Variants in PATJ observed in about 807,000 individuals in gnomAD.
PATJ encodes inaD-like protein.
In PATJ, 190 loss-of-function variants were observed where a neutral mutation model predicts 224.9. The observed-to-expected ratio is 0.84, with a 90% CI of 0.75 to 0.95. PATJ has a LOEUF of 0.95. PATJ is among the 40% of genes least tolerant of loss of function. The probability of loss-of-function intolerance (pLI) is 0.00; values close to 1 mark genes in which losing one functional copy is unlikely to be tolerated. For synonymous variants in PATJ, 769 were observed against 820.3 expected (o/e 0.94, Z 1.07); for missense variants, 2,121 against 2,270.3 (o/e 0.93, Z 1.34).
At chr1:62,159,771 T>C (rs1669667566) in intron 43 of PATJ, among the ~76,000 whole-genome samples, 1 of 151,954 alleles carries the variant, frequency 6.6e-6, no homozygotes, top group Non-Finnish European at 1.5e-5. Flanking sequence ...CTCAAACTCC[T>C]GAGCTCAAGC....
At chr1:61,850,974 G>A (rs1014147240) in intron 17 of PATJ, among the ~76,000 whole-genome samples, 5 of 152,128 alleles carry the variant, frequency 3.3e-5, no homozygotes, top group African/African-American at 4.8e-5. Context: ...GTGGGAAGAC[G>A]CAAACTAAAT....
chr1:61,744,741 T>G (rs1453252983), intron 1 of PATJ, among the ~76,000 whole-genome samples: 1 of 152,196 alleles, frequency 6.6e-6, no homozygotes, highest in African/African-American at 2.4e-5. Flanking sequence ...AGTTCGATTC[T>G]GAAACTATTT....
At position 61,980,437 on chromosome 1, in the gene PATJ, T is replaced by TTGTGTG. The variant is rs148389720; in HGVS notation, c.3671-9694_3671-9689dup. Among the ~76,000 whole-genome samples the TTGTGTG allele has an allele frequency of 7.3e-3, 953 of 129,724 alleles. 8 individuals are homozygous for TTGTGTG. Among genetic ancestry groups the TTGTGTG allele is most frequent in the African/African-American group, 0.019 (643 of 33,072 alleles). The allele number at this position is 129,724 out of a possible 152,430, so 85.1% of individuals were successfully genotyped here. A position where few individuals can be genotyped will look rare whatever the true frequency, so the allele number is the denominator to read the frequency against. ...TGCCAAAAGCTAGTACTTATATAAT[T>TTGTGTG]TGTGTGTGTGTGTGTGTGTGTGTGT... On this transcript the variant is annotated intron_variant, in intron 27 of 43. Coordinates refer to ENST00000642238, the MANE Select transcript of PATJ (RefSeq NM_001350145.3).
rs780279150 is a variant in PATJ, at chr1:61,904,846, T to C, written c.3381+3387T>C. Among the ~76,000 whole-genome samples the C allele has an allele frequency of 2.8e-4, 43 of 152,388 alleles. No individual in the cohort carries two copies. In the Middle Eastern group the frequency reaches 0.01, roughly 36 times the overall value. The stretch of plus-strand genomic sequence containing the variant: ...CACAATTGTCTTATAAATGCAATTA[T>C]GCATTATGTATTTTTTGAGATTGCC... On this transcript the variant is annotated intron_variant, in intron 24 of 43. Transcript: ENST00000642238.
At chr1:62,128,678 C>T (rs904625574) in intron 40 of PATJ, among the ~76,000 whole-genome samples, 163 bp from the exon 41 acceptor site, 1 of 152,064 alleles carries the variant, frequency 6.6e-6, no homozygotes, top group Non-Finnish European at 1.5e-5. Flanking sequence ...TGGGGAAAGC[C>T]AAAAAAATTC....
chr1:61,807,625 T>C (rs544960229), intron 13 of PATJ, among the ~76,000 whole-genome samples: 8 of 152,332 alleles, frequency 5.3e-5, no homozygotes, highest in South Asian at 4.1e-4. Flanking sequence ...TGTAGCATCT[T>C]GTACCGAGGA....
chr1:61,814,485 T>C (rs1655631356), intron 14 of PATJ, among the ~76,000 whole-genome samples: 2 of 151,856 alleles, frequency 1.3e-5, no homozygotes, highest in African/African-American at 2.4e-5. Context: ...TACATATTTA[T>C]GTATTTGCAG....
At chr1:62,055,671 G>A (rs958784460) in intron 31 of PATJ, among the ~76,000 whole-genome samples, 1 of 152,046 alleles carries the variant, frequency 6.6e-6, no homozygotes, top group Non-Finnish European at 1.5e-5. Flanking sequence ...AGCCATAGAA[G>A]GAACAACTAT....
intron 17 of PATJ, among the ~76,000 whole-genome samples, chr1:61,836,991 A>T (rs992915610): frequency 2.0e-5 from 3 of 152,226 alleles, no homozygotes; most frequent in East Asian, 1.9e-4. Context: ...GAGATTGAAA[A>T]TTTACTTTGG....
chr1:61,774,119 CAAA>C (rs35357345), intron 6 of PATJ, among the ~76,000 whole-genome samples: 3 of 68,854 alleles, frequency 4.4e-5, no homozygotes, highest in Admixed American at 2.0e-4. Flanking sequence ...GACTCCATCT[CAAA>C]AAAAAAAAAA....
intron 27 of PATJ, among the ~76,000 whole-genome samples, chr1:61,938,426 T>C (rs1460445598): frequency 6.6e-6 from 1 of 152,216 alleles, no homozygotes; most frequent in Non-Finnish European, 1.5e-5. Flanking sequence ...GCTATCTATC[T>C]GGTATTATGC....
intron 31 of PATJ, among the ~76,000 whole-genome samples, chr1:62,074,492 A>AG (rs1209993865): frequency 3.3e-5 from 5 of 152,014 alleles, no homozygotes; most frequent in Non-Finnish European, 7.4e-5. Context: ...GGAGTACAGT[A>AG]GTGCAATCAT....
At chr1:61,926,512 AAAG>A (rs1412565968) in intron 26 of PATJ, among the ~76,000 whole-genome samples, 5 of 152,176 alleles carry the variant, frequency 3.3e-5, no homozygotes, top group African/African-American at 1.2e-4. Flanking sequence ...GGTTTACTGA[AAAG>A]AGTTCATTTG....
At chr1:61,999,206 C>A (rs1205108038) in intron 28 of PATJ, among the ~76,000 whole-genome samples, 5 of 152,118 alleles carry the variant, frequency 3.3e-5, no homozygotes, top group Non-Finnish European at 7.3e-5. Context: ...CCATGTCTTC[C>A]ATAACCTACT....
At chr1:62,030,950 G>A (rs867193021) in intron 29 of PATJ, among the ~76,000 whole-genome samples, 3 of 152,060 alleles carry the variant, frequency 2.0e-5, no homozygotes, top group Admixed American at 2.0e-4. Flanking sequence ...CCAGTTTTTA[G>A]TTACTATGAA....
At chr1:61,894,795 C>G (rs1043520761) in intron 22 of PATJ, among the ~76,000 whole-genome samples, 13 of 152,168 alleles carry the variant, frequency 8.5e-5, no homozygotes, top group Admixed American at 6.5e-4. Context: ...AACTGGCTAA[C>G]AGGCAGAGGT....
At chr1:62,083,474 G>A (rs28430757) in intron 32 of PATJ, among the ~76,000 whole-genome samples, 12,139 of 152,172 alleles carry the variant, frequency 0.08, 962 homozygotes, top group African/African-American at 0.21. Flanking sequence ...ATGCATGTGT[G>A]TAGATTTTAT....
chr1:61,984,414 A>G (rs1569626979), intron 27 of PATJ, among the ~76,000 whole-genome samples: 1 of 151,936 alleles, frequency 6.6e-6, no homozygotes, highest in Non-Finnish European at 1.5e-5. Flanking sequence ...TGCCCACCTC[A>G]GCCTCCCAAA....
At chr1:61,810,241 G>A (rs72929655) in intron 14 of PATJ, among the ~76,000 whole-genome samples, 6,971 of 152,082 alleles carry the variant, frequency 0.046, 224 homozygotes, top group East Asian at 0.12. Context: ...TGACTGTGTC[G>A]GCCAACTGAC....
Sources: allele counts gnomAD v4.1 joint callset (sites outside exome capture counted in the v4.1 genomes callset), GRCh38; gene constraint gnomAD v4.1.1; transcripts MANE v1.5; gene names NCBI Gene and HGNC (gene_info 2026-07-23, HGNC 2026-07-21).